CDH4: variants seen among roughly 807,000 people sequenced by gnomAD.
CDH4 encodes cadherin-4.
A neutral mutation model predicts 86.0 loss-of-function variants in CDH4; 33 were observed. The observed-to-expected ratio is 0.38, with a 90% CI of 0.29 to 0.51. The LOEUF (loss-of-function observed/expected upper bound fraction) is 0.51, where lower values mean the gene tolerates loss of function less well. CDH4 is among the 20% of genes least tolerant of loss of function. The pLI is 0.86. For missense variants in CDH4, 1,114 were observed against 1,307.4 expected, an observed-to-expected ratio of 0.85 and a Z score of 2.28; for synonymous variants, 555 against 549.4, an observed-to-expected ratio of 1.01 and a Z score of -0.14.
intron 2 of CDH4, among the ~76,000 whole-genome samples, chr20:61,261,051 C>T (rs865981801): frequency 5.3e-5 from 8 of 152,208 alleles, no homozygotes; most frequent in Non-Finnish European, 1.0e-4. Flanking sequence ...GCCACTTGCC[C>T]CTGTGTGCAG....
intron 4 of CDH4, among the ~76,000 whole-genome samples, chr20:61,803,865 A>C (rs988124567): frequency 3.3e-5 from 5 of 152,262 alleles, no homozygotes; most frequent in Non-Finnish European, 7.3e-5. Flanking sequence ...AGGACAGGAG[A>C]AACGAGAACA....
intron 2 of CDH4, among the ~76,000 whole-genome samples, chr20:61,700,141 C>T (rs944964162): frequency 6.6e-6 from 1 of 152,166 alleles, no homozygotes; most frequent in East Asian, 1.9e-4. Flanking sequence ...GGGTGGAATG[C>T]GCCATGTCCT....
chr20:61,390,594 A>G (rs1228169687), intron 2 of CDH4, among the ~76,000 whole-genome samples: 3 of 151,144 alleles, frequency 2.0e-5, no homozygotes, highest in Non-Finnish European at 4.4e-5. Flanking sequence ...TAGGGTGCCC[A>G]TAGTGCCGTG....
chr20:61,504,753 A>C (rs2085728473), intron 2 of CDH4, among the ~76,000 whole-genome samples: 1 of 152,232 alleles, frequency 6.6e-6, no homozygotes, highest in Non-Finnish European at 1.5e-5. Context: ...TGGTACCAGA[A>C]GAACAATTAC....
chr20:61,576,724 G>A (rs2086385003), intron 2 of CDH4, among the ~76,000 whole-genome samples: 1 of 152,178 alleles, frequency 6.6e-6, no homozygotes, highest in Admixed American at 6.5e-5. Context: ...CCCAGGAGAA[G>A]CGTGTTCACC....
intron 4 of CDH4, among the ~76,000 whole-genome samples, chr20:61,776,704 A>G (rs2088846557): frequency 6.6e-6 from 1 of 152,170 alleles, no homozygotes; most frequent in Non-Finnish European, 1.5e-5. Flanking sequence ...TTTCTTGCTC[A>G]CTGTGAAGGT....
chr20:61,827,320 G>A (rs1186760136), intron 4 of CDH4, among the ~76,000 whole-genome samples: 1 of 152,126 alleles, frequency 6.6e-6, no homozygotes, highest in Middle Eastern at 3.2e-3. Context: ...ACATATTCCT[G>A]GTGGGATATA....
intron 2 of CDH4, among the ~76,000 whole-genome samples, chr20:61,506,881 C>G (rs573092658): frequency 2.6e-5 from 4 of 152,048 alleles, no homozygotes; most frequent in African/African-American, 9.7e-5. Flanking sequence ...CACTGTGGGT[C>G]GGGAGATTTT....
chr20:61,495,357 G>C (rs2085653204), intron 2 of CDH4, among the ~76,000 whole-genome samples: 1 of 152,130 alleles, frequency 6.6e-6, no homozygotes, highest in East Asian at 1.9e-4. Flanking sequence ...GAGGAGCTGT[G>C]GGAGGGAGTC....
At chr20:61,627,061 G>A (rs545019484) in intron 2 of CDH4, among the ~76,000 whole-genome samples, 33 of 152,270 alleles carry the variant, frequency 2.2e-4, no homozygotes, top group African/African-American at 4.1e-4. Flanking sequence ...CAGAAGAAGC[G>A]TGTTTTGGAG....
At chr20:61,910,271 C>T (rs1776237) in intron 8 of CDH4, 151 bp from the exon 9 acceptor site, 626,211 of 663,134 alleles carry the variant, frequency 0.94, 296,276 homozygotes, top group East Asian at 1. Flanking sequence ...TGGGCTGACA[C>T]GGTGTGTTCT....
intron 7 of CDH4, among the ~76,000 whole-genome samples, chr20:61,889,688 G>T (rs1205524277): frequency 6.6e-6 from 1 of 150,682 alleles, no homozygotes; most frequent in African/African-American, 2.4e-5. Context: ...TGAGTGGATA[G>T]TTGGATGATG....
intron 2 of CDH4, among the ~76,000 whole-genome samples, chr20:61,680,851 C>T (rs1169697640): frequency 6.6e-5 from 10 of 152,180 alleles, no homozygotes; most frequent in African/African-American, 1.2e-4. Context: ...TCTCATCCAG[C>T]GTCCTTCAGA....
intron 2 of CDH4, among the ~76,000 whole-genome samples, chr20:61,637,381 C>T (rs1568726789): frequency 6.6e-6 from 1 of 152,186 alleles, no homozygotes; most frequent in Non-Finnish European, 1.5e-5. Flanking sequence ...AGTGCCCACC[C>T]TGGATCTCCT....
chr20:61,643,948 G>T (rs1030926894), intron 2 of CDH4, among the ~76,000 whole-genome samples: 1 of 152,240 alleles, frequency 6.6e-6, no homozygotes, highest in Non-Finnish European at 1.5e-5. Context: ...GGAGAATTTT[G>T]CTAGAAGGGA....
intron 2 of CDH4, 137 bp downstream of exon 2, chr20:61,255,074 A>G: frequency 1.6e-6 from 1 of 640,230 alleles, no homozygotes; most frequent in Non-Finnish European, 2.8e-6. Context: ...ACGAGGTGCA[A>G]ATTGGTTGAC....
At chr20:61,551,707 C>A (rs1402230270) in intron 2 of CDH4, among the ~76,000 whole-genome samples, 1 of 152,220 alleles carries the variant, frequency 6.6e-6, no homozygotes, top group Non-Finnish European at 1.5e-5. Context: ...TGTGAAGAAT[C>A]TTCTAGACTC....
At chr20:61,917,241 C>T (rs191446774) in intron 9 of CDH4, among the ~76,000 whole-genome samples, 2 of 152,302 alleles carry the variant, frequency 1.3e-5, no homozygotes, top group East Asian at 1.9e-4. Context: ...ACAGCTTCTC[C>T]GCTCTCAGGT....
At chr20:61,522,195 C>A (rs1485643654) in intron 2 of CDH4, among the ~76,000 whole-genome samples, 1 of 152,182 alleles carries the variant, frequency 6.6e-6, no homozygotes, top group Non-Finnish European at 1.5e-5. Context: ...CCTCAGGGGC[C>A]TCCAGCCAAG....
Sources: gnomAD v4.1 joint callset for allele counts (sites outside exome capture counted in the v4.1 genomes callset) on GRCh38, gnomAD v4.1.1 for gene constraint, MANE v1.5 for transcripts, NCBI Gene and HGNC (gene_info 2026-07-23, HGNC 2026-07-21) for gene names.